FAM20A: variants seen among roughly 807,000 people sequenced by gnomAD.
FAM20A encodes FAM20A golgi associated secretory pathway pseudokinase, also known as pseudokinase FAM20A.
FAM20A carries 42 observed loss-of-function variants against 52.0 expected under a neutral mutation model. The observed-to-expected ratio is 0.81, with a 90% confidence interval of 0.63 to 1.04. The LOEUF (loss-of-function observed/expected upper bound fraction) is 1.04, where lower values mean the gene tolerates loss of function less well. Ranked by LOEUF, FAM20A falls within the 50% of genes least tolerant of loss-of-function variation. The pLI is 0.00. For synonymous variants in FAM20A, 304 were observed against 298.9 expected (o/e 1.02, Z -0.18); for missense variants, 742 against 712.7 (o/e 1.04, Z -0.47).
chr17:68,586,415 T>G (rs954164355), intron 1 of FAM20A, among the ~76,000 whole-genome samples: 1 of 152,234 alleles, frequency 6.6e-6, no homozygotes, highest in African/African-American at 2.4e-5. Context: ...AATGTGACTT[T>G]ATTTGGAAGA....
At chr17:68,566,685 G>GT (rs1195581912) in intron 1 of FAM20A, among the ~76,000 whole-genome samples, 11 of 152,184 alleles carry the variant, frequency 7.2e-5, no homozygotes, top group African/African-American at 2.7e-4. Context: ...GGTATACAAT[G>GT]TATCTCTCTG....
At chr17:68,572,792 C>T (rs559991681) in intron 1 of FAM20A, among the ~76,000 whole-genome samples, 2 of 151,974 alleles carry the variant, frequency 1.3e-5, no homozygotes, top group African/African-American at 4.8e-5. Flanking sequence ...TTCTTCCCAC[C>T]GCTCCATCTC....
At chr17:68,563,889 A>C (rs1448011562) in intron 1 of FAM20A, among the ~76,000 whole-genome samples, 1 of 152,242 alleles carries the variant, frequency 6.6e-6, no homozygotes, top group Non-Finnish European at 1.5e-5. Context: ...TAAACAGCAC[A>C]AAGGCCAAAC....
chr17:68,556,542 G>A (rs1385615952), intron 1 of FAM20A, among the ~76,000 whole-genome samples: 1 of 150,272 alleles, frequency 6.7e-6, no homozygotes, highest in Non-Finnish European at 1.5e-5. Flanking sequence ...AGTGAAGAAG[G>A]CAGACTTCAG....
At chr17:68,572,466 C>A (rs2087591111) in intron 1 of FAM20A, among the ~76,000 whole-genome samples, 1 of 152,132 alleles carries the variant, frequency 6.6e-6, no homozygotes, top group Non-Finnish European at 1.5e-5. Flanking sequence ...GAGTATGAGA[C>A]CATCAGAGCA....
At chr17:68,546,691 A>T (rs1026864080) in intron 4 of FAM20A, among the ~76,000 whole-genome samples, 2 of 152,054 alleles carry the variant, frequency 1.3e-5, no homozygotes, top group Non-Finnish European at 2.9e-5. Context: ...TTATCCGGGC[A>T]TGGTGGCCGG....
At chr17:68,542,285 AAAG>A (rs554192643) in intron 6 of FAM20A, 120 bp from the exon 7 acceptor site, 132 of 1,077,792 alleles carry the variant, frequency 1.2e-4, no homozygotes, top group Admixed American at 7.9e-4. Flanking sequence ...TCGGGAAGAG[AAAG>A]AAGAAGAAGG....
At position 68,537,864 on chromosome 17, in the gene FAM20A, A is replaced by G; in HGVS notation, c.1362-123T>C. On this transcript the variant is annotated intron_variant, in intron 10 of 10. Coordinates refer to ENST00000592554, the MANE Select transcript of FAM20A (RefSeq NM_017565.4). This position sits in a 1 kb window ranked among gnomAD's most constrained non-coding sequence, Gnocchi z 4.2. The stretch of plus-strand genomic sequence containing the variant: ...TTGGCGCCTCTCCTTGTGTCTTCTC[A>G]GGCACATTTTAATGGAAACCAGGTA... The G allele has an allele frequency of 1.1e-5, 12 of 1,121,752 alleles. No homozygotes were observed. The highest frequency in any genetic ancestry group is 1.6e-5 in the Non-Finnish European group (12 of 770,464). The allele number at this position is 1,121,752 out of a possible 1,614,324, so 69.5% of individuals were successfully genotyped here.
At position 68,583,953 on chromosome 17, in the gene FAM20A, G is replaced by A. The variant is rs553443205; in HGVS notation, c.404+16310C>T. ...AATATCATTTGGGGAGCCATTATTC[G>A]GCCTACCTCAAGGGCCATCCTAGGG... On this transcript the variant is annotated intron_variant, in intron 1 of 10. Coordinates refer to ENST00000592554, the MANE Select transcript of FAM20A (RefSeq NM_017565.4). Among the ~76,000 whole-genome samples, 39 of 152,000 alleles carry A rather than the reference G, an allele frequency of 2.6e-4. No homozygotes were observed. In the South Asian group the frequency reaches 6.4e-3, roughly 25 times the overall value.
In FAM20A at chr17:68,585,292, CTT is replaced by C. The variant is rs143030574; in HGVS notation, c.404+14969_404+14970del. On this transcript the variant is annotated intron_variant, in intron 1 of 10. Coordinates refer to ENST00000592554, the MANE Select transcript of FAM20A (RefSeq NM_017565.4). ...GTTCAGTTAATTGGTAAATCTATTTCTTTTTTTTTTCAAATAACAAACACTAT... is the reference window on the plus strand; with the variant it reads ...GTTCAGTTAATTGGTAAATCTATTTCTTTTTTTTCAAATAACAAACACTAT... 6.9e-5 allele frequency among the ~76,000 whole-genome samples: 10 copies of C among 144,536 alleles called. No individual in the cohort carries two copies. The East Asian group carries it at 2.1e-3, about 30-fold the overall frequency. The allele number at this position is 144,536 out of a possible 152,430, so 94.8% of individuals were successfully genotyped here.
intron 1 of FAM20A, among the ~76,000 whole-genome samples, chr17:68,571,332 C>CACACAGTAAATATTCTATAAATA (rs2087529412): frequency 6.6e-6 from 1 of 152,204 alleles, no homozygotes; most frequent in Non-Finnish European, 1.5e-5. Context: ...GAGTGCTATG[C>CACACAGTAAATATTCTATAAATA]ACACAGTAAA....
Position 68,547,010 on chromosome 17 carries a change from CTTT to C in FAM20A, c.720-3292_720-3290del, listed in dbSNP as rs559157360. On this transcript the variant is annotated intron_variant, in intron 4 of 10. Coordinates refer to ENST00000592554, the MANE Select transcript of FAM20A (RefSeq NM_017565.4). ...TGAGCAGTAATATTTTGAAAGGAAT[CTTT>C]TTTTTTTTCTTTTTCCCCTGAGCAG... Among the ~76,000 whole-genome samples, 1,055 of 146,520 alleles carry C rather than the reference CTTT, an allele frequency of 7.2e-3. 7 individuals are homozygous for C. Among genetic ancestry groups the C allele is most frequent in the African/African-American group, 0.025 (994 of 40,132 alleles).
chr17:68,538,569 G>C (rs1414528783), intron 10 of FAM20A, among the ~76,000 whole-genome samples: 3 of 152,252 alleles, frequency 2.0e-5, no homozygotes, highest in African/African-American at 4.8e-5. Flanking sequence ...ACATTCTCTA[G>C]AGAAATGGTG....
chr17:68,550,221 TA>T (rs530004150), intron 4 of FAM20A, among the ~76,000 whole-genome samples: 324 of 152,292 alleles, frequency 2.1e-3, no homozygotes, highest in Non-Finnish European at 4.0e-3. Context: ...GCAATATTTC[TA>T]AATCTATATA....
chr17:68,548,125 T>G (rs2086653376), intron 4 of FAM20A, among the ~76,000 whole-genome samples: 1 of 152,188 alleles, frequency 6.6e-6, no homozygotes, highest in Non-Finnish European at 1.5e-5. Context: ...CCAGGTGCAG[T>G]GGCTCACACC....
In FAM20A at chr17:68,600,160, C is replaced by T; in HGVS notation, c.404+103G>A. 2 of 1,356,212 alleles carry T rather than the reference C, an allele frequency of 1.5e-6. No homozygotes were observed. The highest frequency in any genetic ancestry group is 2.0e-6 in the Non-Finnish European group (2 of 1,012,080). 84.0% of individuals were successfully genotyped at this position (1,356,212 alleles called of 1,614,324 possible). On this transcript the variant is annotated intron_variant, in intron 1 of 10. Coordinates refer to ENST00000592554, the MANE Select transcript of FAM20A (RefSeq NM_017565.4). The surrounding 1 kb of genome is among the most constrained non-coding windows in gnomAD (Gnocchi z 6.2). ...GCCAGGGCTGGAGCCGTGGGTGGAGCCGCTGCAGCCCTGGGCCGGGGGCGT... is the reference window on the plus strand; with the variant it reads ...GCCAGGGCTGGAGCCGTGGGTGGAGTCGCTGCAGCCCTGGGCCGGGGGCGT...
At chr17:68,546,673 A>G (rs1266248740) in intron 4 of FAM20A, among the ~76,000 whole-genome samples, 2 of 152,156 alleles carry the variant, frequency 1.3e-5, no homozygotes, top group Admixed American at 1.3e-4. Context: ...TACTAAAAAT[A>G]CAAAAAATTA....
chr17:68,565,071 T>A (rs1481175955), intron 1 of FAM20A, among the ~76,000 whole-genome samples: 1 of 152,154 alleles, frequency 6.6e-6, no homozygotes, highest in African/African-American at 2.4e-5. Context: ...ATCCCCCGCC[T>A]CCAAAGGTTT....
At chr17:68,551,383 C>T (rs1459833207) in intron 4 of FAM20A, 26 of 345,562 alleles carry the variant, frequency 7.5e-5, no homozygotes. Flanking sequence ...TTGTGGTATA[C>T]AAGTCCGTAA....
Sources: gnomAD v4.1 joint callset for allele counts (sites outside exome capture counted in the v4.1 genomes callset) on GRCh38, gnomAD v4.1.1 for gene constraint, Gnocchi (gnomAD v3.1) non-coding constraint, MANE v1.5 for transcripts, NCBI Gene and HGNC (gene_info 2026-07-23, HGNC 2026-07-21) for gene names.